Variants in TANC2 observed in about 807,000 individuals in gnomAD.
TANC2 encodes protein TANC2.
A neutral mutation model predicts 210.5 loss-of-function variants in TANC2; 26 were observed. The ratio of observed to expected loss-of-function variants is 0.12; its 90% CI spans 0.09 to 0.17. The LOEUF (loss-of-function observed/expected upper bound fraction) is 0.17. Ranked by LOEUF, TANC2 falls within the 10% of genes least tolerant of loss-of-function variation. The pLI, the probability that TANC2 is intolerant of heterozygous loss-of-function variation, is 1.00. For missense variants in TANC2, 2,129 were observed against 2,608.9 expected, an observed-to-expected ratio of 0.82 and a Z score of 4.01; for synonymous variants, 931 against 967.1, an observed-to-expected ratio of 0.96 and a Z score of 0.69.
At chr17:63,403,091 G>T (rs1279272323) in intron 19 of TANC2, among the ~76,000 whole-genome samples, 1 of 152,218 alleles carries the variant, frequency 6.6e-6, no homozygotes, top group Non-Finnish European at 1.5e-5. Flanking sequence ...GTGTTATCCA[G>T]TGGGGAGAAA....
intron 3 of TANC2, among the ~76,000 whole-genome samples, chr17:63,093,404 G>T (rs1568379461): frequency 6.6e-6 from 1 of 151,958 alleles, no homozygotes; most frequent in Non-Finnish European, 1.5e-5. Flanking sequence ...TTTCACCTTT[G>T]TCACAAATTA....
intron 2 of TANC2, among the ~76,000 whole-genome samples, chr17:63,072,555 A>G (rs953882163): frequency 6.6e-6 from 1 of 152,098 alleles, no homozygotes; most frequent in Non-Finnish European, 1.5e-5. Context: ...TTATATTTAA[A>G]AAGTATTTTC....
intron 8 of TANC2, among the ~76,000 whole-genome samples, chr17:63,244,084 T>C (rs1205020344): frequency 2.0e-5 from 3 of 152,204 alleles, no homozygotes; most frequent in South Asian, 2.1e-4. Flanking sequence ...AGGAGTATCA[T>C]TGTGGTGGAA....
intron 2 of TANC2, among the ~76,000 whole-genome samples, chr17:63,041,670 A>T (rs1029400025): frequency 2.0e-5 from 3 of 152,136 alleles, no homozygotes; most frequent in African/African-American, 7.2e-5. Flanking sequence ...AGTATTCTGT[A>T]ATGAACTAGA....
chr17:63,075,432 A>C (rs1242002148), intron 3 of TANC2, among the ~76,000 whole-genome samples: 4 of 152,252 alleles, frequency 2.6e-5, no homozygotes, highest in African/African-American at 7.2e-5. Context: ...ATTTGAAGTC[A>C]CCAGGAATTG....
chr17:63,322,541 T>A (rs1190679118), intron 11 of TANC2, among the ~76,000 whole-genome samples: 1 of 152,178 alleles, frequency 6.6e-6, no homozygotes, highest in Non-Finnish European at 1.5e-5. Flanking sequence ...AATACACAGA[T>A]GTTAAAGTGC....
intron 2 of TANC2, among the ~76,000 whole-genome samples, chr17:63,052,765 C>A (rs540447678): frequency 6.6e-6 from 1 of 152,158 alleles, no homozygotes; most frequent in South Asian, 2.1e-4. Context: ...GAACTTAATC[C>A]CATCTTTGTT....
At chr17:63,291,883 T>G (rs148690212) in intron 9 of TANC2, among the ~76,000 whole-genome samples, 1,712 of 152,282 alleles carry the variant, frequency 0.011, 29 homozygotes, top group African/African-American at 0.038. Context: ...CTAAGAGATA[T>G]TCCTCAAGAA....
chr17:63,193,897 C>A, intron 5 of TANC2, 94 bp from the exon 6 acceptor site: 1 of 1,325,488 alleles, frequency 7.5e-7, no homozygotes, highest in Non-Finnish European at 9.9e-7. Flanking sequence ...AATGTGAAAA[C>A]TAAAGAAATG....
Position 63,374,316 on chromosome 17 carries a change from G to A in TANC2, c.2583-5402G>A, listed in dbSNP as rs963891030. 3.9e-5 allele frequency among the ~76,000 whole-genome samples: 6 copies of A among 152,226 alleles called. No individual in the cohort carries two copies. In the South Asian group the frequency reaches 1.2e-3, roughly 32 times the overall value. Reference sequence around the variant, plus strand: ...GCCTCCCAAAGTGCTGGGATTACAGGTGTGAGCCATCATGCCTGGGTATTT... The same window carrying A: ...GCCTCCCAAAGTGCTGGGATTACAGATGTGAGCCATCATGCCTGGGTATTT... On this transcript the variant is annotated intron_variant, in intron 14 of 27. Transcript: ENST00000689528.
chr17:63,327,033 CA>C (rs1269977030), intron 11 of TANC2, among the ~76,000 whole-genome samples: 1 of 151,878 alleles, frequency 6.6e-6, no homozygotes, highest in African/African-American at 2.4e-5. Flanking sequence ...AATTCAATGG[CA>C]AAAAACAACC....
intron 8 of TANC2, among the ~76,000 whole-genome samples, chr17:63,266,274 G>C (rs774652515): frequency 2.8e-4 from 43 of 152,020 alleles, no homozygotes; most frequent in Non-Finnish European, 3.8e-4. Context: ...ACATTCTTTA[G>C]TAAAATGTTT....
intron 14 of TANC2, among the ~76,000 whole-genome samples, chr17:63,356,151 C>T (rs576299319): frequency 5.9e-5 from 9 of 152,254 alleles, no homozygotes; most frequent in African/African-American, 1.4e-4. Flanking sequence ...TGAGCTTGAA[C>T]CTGACTTGAG....
At chr17:63,220,093 G>A (rs929324205) in intron 7 of TANC2, among the ~76,000 whole-genome samples, 2 of 152,026 alleles carry the variant, frequency 1.3e-5, no homozygotes, top group African/African-American at 4.8e-5. Context: ...TCAGGCATTC[G>A]AGACCAGCCT....
intron 14 of TANC2, among the ~76,000 whole-genome samples, chr17:63,379,298 A>G (rs564253332): frequency 8.5e-4 from 130 of 152,244 alleles, no homozygotes; most frequent in African/African-American, 3.0e-3. Flanking sequence ...CCCTTCCCCA[A>G]AAAACCAGTT....
chr17:63,331,825 GTAAGA>G (rs1238906690), intron 11 of TANC2, among the ~76,000 whole-genome samples: 3 of 150,838 alleles, frequency 2.0e-5, no homozygotes, highest in East Asian at 1.9e-4. Flanking sequence ...CAGTTTTACT[GTAAGA>G]TAAGAGTGTG....
intron 4 of TANC2, among the ~76,000 whole-genome samples, chr17:63,110,889 G>T (rs1386011064): frequency 6.6e-6 from 1 of 152,174 alleles, no homozygotes; most frequent in Non-Finnish European, 1.5e-5. Context: ...AGATATACTT[G>T]GTTGAAACCG....
In TANC2 at chr17:62,982,802, A is replaced by G. The variant is rs531067469; in HGVS notation, c.-24+16053A>G. Among the ~76,000 whole-genome samples the G allele has an allele frequency of 7.2e-5, 11 of 152,184 alleles. No individual in the cohort carries two copies. The South Asian group carries it at 2.1e-3, about 29-fold the overall frequency. ...TATGGATTAATTTCTGGGTTCTCCTATCTGTTCCACTGGTCTATGTGTCTG... is the reference window on the plus strand; with the variant it reads ...TATGGATTAATTTCTGGGTTCTCCTGTCTGTTCCACTGGTCTATGTGTCTG... On this transcript the variant is annotated intron_variant, in intron 1 of 27. Transcript: ENST00000689528.
chr17:63,315,458 A>T (rs1387418485), intron 10 of TANC2, among the ~76,000 whole-genome samples: 1 of 152,174 alleles, frequency 6.6e-6, no homozygotes, highest in Non-Finnish European at 1.5e-5. Flanking sequence ...TATCCATTTT[A>T]CTATGCTGCC....
Sources: allele counts gnomAD v4.1 joint callset (sites outside exome capture counted in the v4.1 genomes callset), GRCh38; gene constraint gnomAD v4.1.1; transcripts MANE v1.5; gene names NCBI Gene and HGNC (gene_info 2026-07-23, HGNC 2026-07-21).